Variants in DIP2C observed in about 807,000 individuals in gnomAD.
The protein encoded by DIP2C is disco-interacting protein 2 homolog C.
A neutral mutation model predicts 192.4 loss-of-function variants in DIP2C; 33 were observed. That is an observed-to-expected ratio of 0.17 (90% CI 0.13 to 0.23). The LOEUF (loss-of-function observed/expected upper bound fraction) is 0.23. Ranked by LOEUF, DIP2C falls within the 10% of genes least tolerant of loss-of-function variation. The pLI, the probability that DIP2C is intolerant of heterozygous loss-of-function variation, is 1.00. For synonymous variants in DIP2C, 979 were observed against 864.1 expected (o/e 1.13, Z -2.33); for missense variants, 1,537 against 2,110.1 (o/e 0.73, Z 5.32).
At chr10:674,828 A>AGAGAGAGAGACC (rs1554772178) in intron 1 of DIP2C, among the ~76,000 whole-genome samples, 2 of 147,618 alleles carry the variant, frequency 1.4e-5, no homozygotes, top group African/African-American at 5.0e-5. Context: ...AGAGAGAGAG[A>AGAGAGAGAGACC]GACCAACACA....
chr10:477,610 TGGGTGG>T, intron 2 of DIP2C, among the ~76,000 whole-genome samples: 1 of 8,000 alleles, frequency 1.3e-4, no homozygotes, highest in African/African-American at 2.6e-4. Flanking sequence ...GGAAGGTGGA[TGGGTGG>T]GAGGAAGGTG....
intron 3 of DIP2C, among the ~76,000 whole-genome samples, chr10:443,055 C>T (rs549188832): frequency 4.6e-5 from 7 of 152,128 alleles, no homozygotes; most frequent in African/African-American, 7.2e-5. Flanking sequence ...GCAGGGATAC[C>T]GCAGAAGTCT....
At chr10:324,067 A>G (rs969873416) in intron 31 of DIP2C, among the ~76,000 whole-genome samples, 2 of 152,078 alleles carry the variant, frequency 1.3e-5, no homozygotes, top group Non-Finnish European at 2.9e-5. Flanking sequence ...GCTCTGCTGA[A>G]GCGTTCCTGA....
chr10:465,647 T>G (rs1316264354), intron 3 of DIP2C, among the ~76,000 whole-genome samples: 1 of 152,022 alleles, frequency 6.6e-6, no homozygotes, highest in Non-Finnish European at 1.5e-5. Context: ...CCCCATTGTC[T>G]CAGCCCAAAA....
Position 689,508 on chromosome 10 carries a change from A to G in DIP2C, c.71T>C (p.Leu24Pro). 1.6e-6 allele frequency: 2 copies of G among 1,278,924 alleles called. No individual in the cohort carries two copies. The highest frequency in any genetic ancestry group is 1.6e-5 in the South Asian group (1 of 64,450). 79.2% of individuals were successfully genotyped at this position (1,278,924 alleles called of 1,614,324 possible). A position where few individuals can be genotyped will look rare whatever the true frequency, so the allele number is the denominator to read the frequency against. The change falls in exon 1 of 37, where the codon CTG (leucine) becomes CCG (proline). Residue 24 changes from leucine (L) to proline (P), a missense_variant. Physicochemically the swap from Leu to Pro is moderately conservative, Grantham distance 98. Coordinates refer to ENST00000280886, the MANE Select transcript of DIP2C (RefSeq NM_014974.3). The surrounding 1 kb of genome is among the most constrained non-coding windows in gnomAD (Gnocchi z 6.1). ...EVRARLAELE[L>P]ELSEGDITQK... Reference sequence around the variant, plus strand: ...GGCCCGGTTACCTTCCGACAGCTCCAGCTCCAGCTCGGCCAGGCGCGCCCG... The same window carrying G: ...GGCCCGGTTACCTTCCGACAGCTCCGGCTCCAGCTCGGCCAGGCGCGCCCG...
chr10:582,759 G>A (rs531847394), intron 1 of DIP2C, among the ~76,000 whole-genome samples: 37 of 152,288 alleles, frequency 2.4e-4, no homozygotes, highest in African/African-American at 8.4e-4. Context: ...GCGTGGCCAC[G>A]TGGCCGGCCT....
chr10:559,365 C>T (rs374254548), intron 1 of DIP2C, among the ~76,000 whole-genome samples: 2 of 152,304 alleles, frequency 1.3e-5, no homozygotes, highest in African/African-American at 2.4e-5. Context: ...CACACAAGCT[C>T]GGTGTGTCCT....
At chr10:396,575 G>C (rs956795208) in intron 10 of DIP2C, among the ~76,000 whole-genome samples, 1 of 152,152 alleles carries the variant, frequency 6.6e-6, no homozygotes, top group Admixed American at 6.5e-5. Context: ...AGAGACCTCA[G>C]AGCATGTCCA....
intron 9 of DIP2C, among the ~76,000 whole-genome samples, chr10:407,139 T>A (rs149766107): frequency 6.6e-6 from 1 of 152,310 alleles, no homozygotes; most frequent in East Asian, 1.9e-4. Flanking sequence ...CTTTCTCCAT[T>A]GCAATCCCCG....
intron 1 of DIP2C, among the ~76,000 whole-genome samples, chr10:554,954 G>A (rs1288932194): frequency 6.6e-6 from 1 of 152,150 alleles, no homozygotes; most frequent in Non-Finnish European, 1.5e-5. Flanking sequence ...GTCAGAGACA[G>A]AGTCTGGGCT....
chr10:611,082 GGTGGGAGGTGACTGACTCAT>G, intron 1 of DIP2C, among the ~76,000 whole-genome samples: 1 of 152,058 alleles, frequency 6.6e-6, no homozygotes, highest in East Asian at 1.9e-4. Context: ...GGTGGGCCCT[GGTGGGAGGTGACTGACTCAT>G]GAGGGAGGTT....
rs1426132444 is a variant in DIP2C, at chr10:433,970, CTTTT to C, written c.394+6897_394+6900del. Reference sequence around the variant, plus strand: ...CTTTCCTTTCTTATCATATCAGTTACTTTTTTTTAAGTGGCTGCCTTGGGATTTG... The same window carrying C: ...CTTTCCTTTCTTATCATATCAGTTACTTTTAAGTGGCTGCCTTGGGATTTG... On this transcript the variant is annotated intron_variant, in intron 4 of 36. Transcript: ENST00000280886. 4.6e-5 allele frequency among the ~76,000 whole-genome samples: 7 copies of C among 151,442 alleles called. No homozygotes were observed. The South Asian group carries it at 1.5e-3, about 32-fold the overall frequency.
intron 1 of DIP2C, among the ~76,000 whole-genome samples, chr10:671,589 C>CAG (rs1830644801): frequency 1.1e-5 from 1 of 90,318 alleles, no homozygotes; most frequent in Non-Finnish European, 2.1e-5. Context: ...ACGGAGGAAA[C>CAG]GTCACAGACG....
rs1310994812 is a variant in DIP2C, at chr10:651,781, T to A, written c.85+37713A>T. The A allele has an allele frequency of 3.8e-6, 1 of 260,958 alleles. No individual in the cohort carries two copies. Among genetic ancestry groups the A allele is most frequent in the Non-Finnish European group, 7.5e-6 (1 of 133,926 alleles). The allele number at this position is 260,958 out of a possible 1,614,324, so 16.2% of individuals were successfully genotyped here. A position where few individuals can be genotyped will look rare whatever the true frequency, so the allele number is the denominator to read the frequency against. On this transcript the variant is annotated intron_variant, in intron 1 of 36. Transcript: ENST00000280886. This position sits in a 1 kb window ranked among gnomAD's most constrained non-coding sequence, Gnocchi z 4.1. ...GGGGGCCTGGCATCGCCCACCCAGG[T>A]CATCAGTCATCATCAGCAGCAGCTG...
chr10:589,479 A>G (rs1433733340), intron 1 of DIP2C, among the ~76,000 whole-genome samples: 1 of 152,184 alleles, frequency 6.6e-6, no homozygotes, highest in African/African-American at 2.4e-5. Flanking sequence ...ATTCAGGGTT[A>G]TGGTCCACCT....
chr10:660,150 G>A (rs1376807054), intron 1 of DIP2C, among the ~76,000 whole-genome samples: 1 of 152,138 alleles, frequency 6.6e-6, no homozygotes, highest in Non-Finnish European at 1.5e-5. Context: ...CAAGCTCTGT[G>A]TATGAAACAG....
At chr10:300,047 C>T (rs145124188) in intron 32 of DIP2C, among the ~76,000 whole-genome samples, 2 of 152,260 alleles carry the variant, frequency 1.3e-5, no homozygotes, top group East Asian at 1.9e-4. Context: ...ACCAGACCCA[C>T]GTGCACTGCT....
intron 4 of DIP2C, among the ~76,000 whole-genome samples, chr10:424,872 CAACAT>C (rs1966470604): frequency 6.6e-6 from 1 of 152,202 alleles, no homozygotes. Flanking sequence ...TATAGACACT[CAACAT>C]AATAGCAGCA....
intron 32 of DIP2C, among the ~76,000 whole-genome samples, chr10:309,518 T>TCCTGCTATCACA (rs1417555357): frequency 1.3e-5 from 2 of 151,298 alleles, no homozygotes; most frequent in African/African-American, 4.9e-5. Flanking sequence ...CTGGCCATAC[T>TCCTGCTATCACA]CCTGCTATCA....
Sources: gnomAD v4.1 joint callset for allele counts (sites outside exome capture counted in the v4.1 genomes callset) on GRCh38, gnomAD v4.1.1 for gene constraint, Gnocchi (gnomAD v3.1) non-coding constraint, MANE v1.5 for transcripts, NCBI Gene and HGNC (gene_info 2026-07-23, HGNC 2026-07-21) for gene names.